CASZ1: variants seen among roughly 807,000 people sequenced by gnomAD.
CASZ1 encodes the protein zinc finger protein castor homolog 1.
A neutral mutation model predicts 135.2 loss-of-function variants in CASZ1; 28 were observed. The observed-to-expected ratio is 0.21, with a 90% CI of 0.15 to 0.28. The LOEUF (loss-of-function observed/expected upper bound fraction) is 0.28. CASZ1 is among the 10% of genes least tolerant of loss of function. The probability of loss-of-function intolerance (pLI) is 1.00; values close to 1 mark genes in which losing one functional copy is unlikely to be tolerated. For synonymous variants in CASZ1, 1,068 were observed against 1,073.4 expected (o/e 0.99, Z 0.10); for missense variants, 2,161 against 2,453.3 (o/e 0.88, Z 2.52).
At chr1:10,752,360 T>C (rs205479) in intron 2 of CASZ1, among the ~76,000 whole-genome samples, 63,237 of 152,084 alleles carry the variant, frequency 0.42, 15,397 homozygotes, top group African/African-American at 0.68. Flanking sequence ...GAGAGGCCCC[T>C]AGACTATTCC....
chr1:10,725,680 G>C lies in CASZ1; in HGVS notation c.-76-20136C>G, dbSNP rs1434536456. Among the ~76,000 whole-genome samples, 1 of 151,684 alleles carries C rather than the reference G, an allele frequency of 6.6e-6. No homozygotes were observed. Among genetic ancestry groups the C allele is most frequent in the Non-Finnish European group, 1.5e-5 (1 of 68,016 alleles). The stretch of plus-strand genomic sequence containing the variant: ...ACACTCCAGGCCTGGGGGAGGCCAG[G>C]CTTGGGGAGGAGGTGGAAGCCAGGT... On this transcript the variant is annotated intron_variant, in intron 2 of 20. Transcript: ENST00000377022. This position sits in a 1 kb window ranked among gnomAD's most constrained non-coding sequence, Gnocchi z 4.4.
chr1:10,793,440 T>C (rs1203230761), intron 1 of CASZ1, among the ~76,000 whole-genome samples: 1 of 151,924 alleles, frequency 6.6e-6, no homozygotes, highest in Middle Eastern at 3.4e-3. Flanking sequence ...CTCGGCAAGG[T>C]GCAAAGTCTA....
At chr1:10,763,178 C>G (rs1011695868) in intron 1 of CASZ1, among the ~76,000 whole-genome samples, 3 of 152,222 alleles carry the variant, frequency 2.0e-5, no homozygotes, top group African/African-American at 7.2e-5. Flanking sequence ...CAGCCCAGGC[C>G]CCGGGGGCCA....
intron 1 of CASZ1, among the ~76,000 whole-genome samples, chr1:10,779,444 G>GC (rs1315705511): frequency 6.6e-6 from 1 of 152,128 alleles, no homozygotes; most frequent in East Asian, 1.9e-4. Context: ...TCAGCGCCCT[G>GC]CGGGGGCCGT....
rs537672299 is a variant in CASZ1, at chr1:10,642,969, T to C, written c.4052A>G (p.Asp1351Gly). 7.4e-6 allele frequency: 12 copies of C among 1,613,072 alleles called. No individual in the cohort carries two copies. The highest frequency in any genetic ancestry group is 1.0e-5 in the Non-Finnish European group (12 of 1,179,976). ...GPPGLMDAET[D>G]ECMDYTGCSP... ...GCAGCCAGTGTAGTCCATGCACTCA[T>C]CTGTCTCAGCATCCATCAGGCCTGG... The change falls in exon 20 of 21, where the codon GAT (aspartate) becomes GGT (glycine). Residue 1351 changes from aspartate (D) to glycine (G), a missense_variant. Asp to Gly is a moderately conservative substitution (Grantham distance 94). Around this residue, in one of 7 missense-constraint regions of CASZ1, gnomAD observed 143 missense variants for 128.3 expected, o/e 1.11. Transcript: ENST00000377022.
At position 10,760,796 on chromosome 1, in the gene CASZ1, G is replaced by A. The variant is rs1278908497; in HGVS notation, c.-172C>T. 1 of 152,254 alleles carries A rather than the reference G, an allele frequency of 6.6e-6. No homozygotes were observed. The highest frequency in any genetic ancestry group is 1.5e-5 in the Non-Finnish European group (1 of 68,056). The allele number at this position is 152,254 out of a possible 1,614,324, so 9.4% of individuals were successfully genotyped here. ...TTGTAAAGGAGGGGTCGATGGCCGTGGCAGCTGGGAGGGCAGGTGGGATGG... is the reference window on the plus strand; with the variant it reads ...TTGTAAAGGAGGGGTCGATGGCCGTAGCAGCTGGGAGGGCAGGTGGGATGG... On this transcript the variant is annotated 5_prime_UTR_variant, in exon 2 of 21. Coordinates refer to ENST00000377022, the MANE Select transcript of CASZ1 (RefSeq NM_001079843.3).
intron 2 of CASZ1, among the ~76,000 whole-genome samples, chr1:10,712,954 A>C (rs1458979996): frequency 6.6e-6 from 1 of 152,182 alleles, no homozygotes; most frequent in Non-Finnish European, 1.5e-5. Flanking sequence ...CCCAAGGTCG[A>C]GGAGCCCCAC....
intron 6 of CASZ1, 101 bp downstream of exon 6, chr1:10,659,601 G>A (rs1165673329): frequency 2.3e-5 from 20 of 875,824 alleles, no homozygotes; most frequent in East Asian, 1.2e-4. Flanking sequence ...AGGTGTGAGC[G>A]GCAGGTGTGT....
intron 4 of CASZ1, among the ~76,000 whole-genome samples, chr1:10,685,909 A>G (rs750562436): frequency 3.3e-5 from 5 of 152,254 alleles, no homozygotes; most frequent in Admixed American, 6.5e-5. Context: ...GGAGCCGGAA[A>G]GAGGCTGACT....
chr1:10,725,501 CA>C lies in CASZ1; in HGVS notation c.-76-19958del, dbSNP rs1639580441. ...TGGCTCAATTTCTTATTGGATTTCT[CA>C]AAAAACCTGACATTTTAAATTAATT... is the stretch of plus-strand genomic sequence containing the variant. On this transcript the variant is annotated intron_variant, in intron 2 of 20. Coordinates refer to ENST00000377022, the MANE Select transcript of CASZ1 (RefSeq NM_001079843.3). This position sits in a 1 kb window ranked among gnomAD's most constrained non-coding sequence, Gnocchi z 4.4. Among the ~76,000 whole-genome samples, 1 of 152,150 alleles carries C rather than the reference CA, an allele frequency of 6.6e-6. No individual in the cohort carries two copies. The highest frequency in any genetic ancestry group is 6.5e-5 in the Admixed American group (1 of 15,280).
chr1:10,749,288 C>A (rs569335112), intron 2 of CASZ1, among the ~76,000 whole-genome samples: 26 of 152,002 alleles, frequency 1.7e-4, no homozygotes, highest in South Asian at 1.5e-3. Flanking sequence ...CACTCTGTCG[C>A]CCAGGCTGGA....
intron 1 of CASZ1, among the ~76,000 whole-genome samples, chr1:10,765,236 T>C (rs1474506251): frequency 2.0e-5 from 3 of 151,862 alleles, no homozygotes; most frequent in Admixed American, 6.6e-5. Flanking sequence ...TGGGAAGTGG[T>C]AGGGAAAGAT....
intron 5 of CASZ1, among the ~76,000 whole-genome samples, chr1:10,664,689 C>T (rs978850017): frequency 1.1e-4 from 16 of 152,094 alleles, no homozygotes; most frequent in African/African-American, 3.9e-4. Context: ...CGCTGCGCCC[C>T]TCTTGTGCCA....
rs1436370856 is a variant in CASZ1, at chr1:10,646,212, C to T, written c.3612G>A (p.Leu1204=). Residue 1204 remains leucine, a synonymous_variant, in exon 17 of 21, where the codon CTG becomes CTA. Transcript: ENST00000377022. The surrounding 1 kb of genome is among the most constrained non-coding windows in gnomAD (Gnocchi z 6.4). ...GGTTGTTGTTGGGGTTGATGTGGTC[C>T]AGGCAGTGGGATTCGGCCTTGCCAG... is the stretch of plus-strand genomic sequence containing the variant. ...KTSGKAESHC[L]DHINPNNNLV... is the part of the protein sequence containing the mutation. The T allele has an allele frequency of 4.3e-6, 7 of 1,614,190 alleles. No homozygotes were observed. Among genetic ancestry groups the T allele is most frequent in the Non-Finnish European group, 5.9e-6 (7 of 1,180,034 alleles).
intron 1 of CASZ1, among the ~76,000 whole-genome samples, chr1:10,770,593 G>T (rs1200947700): frequency 1.3e-5 from 2 of 152,092 alleles, no homozygotes; most frequent in Non-Finnish European, 2.9e-5. Context: ...GCGGTCACAG[G>T]CCCCCTCTGT....
At position 10,725,780 on chromosome 1, in the gene CASZ1, T is replaced by G. The variant is rs1355739262; in HGVS notation, c.-76-20236A>C. On this transcript the variant is annotated intron_variant, in intron 2 of 20. Coordinates refer to ENST00000377022, the MANE Select transcript of CASZ1 (RefSeq NM_001079843.3). This position sits in a 1 kb window ranked among gnomAD's most constrained non-coding sequence, Gnocchi z 4.4. The stretch of plus-strand genomic sequence containing the variant: ...TCCTGGGGAACCCTGGACAGGTGAG[T>G]GACAAGACAGCGGCAGTGGGGTGGG... Among the ~76,000 whole-genome samples the G allele has an allele frequency of 1.4e-5, 2 of 139,080 alleles. No individual in the cohort carries two copies. Among genetic ancestry groups the G allele is most frequent in the Non-Finnish European group, 3.1e-5 (2 of 64,170 alleles). The allele number at this position is 139,080 out of a possible 152,430, so 91.2% of individuals were successfully genotyped here.
rs74052189 is a variant in CASZ1 at position 10,765,093 on chromosome 1, A to T, written c.-233-4236T>A. On this transcript the variant is annotated intron_variant, in intron 1 of 20. Coordinates refer to ENST00000377022, the MANE Select transcript of CASZ1 (RefSeq NM_001079843.3). ...TTTCTGCTGCCTCCCCTACATCGGAACCTCCCCCCACAATGAACATCAGCC... is the reference window on the plus strand; with the variant it reads ...TTTCTGCTGCCTCCCCTACATCGGATCCTCCCCCCACAATGAACATCAGCC... Among the ~76,000 whole-genome samples the T allele has an allele frequency of 2.8e-3, 419 of 151,824 alleles. 2 individuals are homozygous for T. The highest frequency in any genetic ancestry group is 9.8e-3 in the African/African-American group (404 of 41,392).
In CASZ1 at chr1:10,646,095, C is replaced by T; in HGVS notation, c.3696+33G>A. ...TAGCCCTGCACCTCCCTGCCCCCTA[C>T]TCTGCCCCTGCGCCGTGTACCGCCA... is the stretch of plus-strand genomic sequence containing the variant. On this transcript the variant is annotated intron_variant, in intron 17 of 20. Coordinates refer to ENST00000377022, the MANE Select transcript of CASZ1 (RefSeq NM_001079843.3). This position sits in a 1 kb window ranked among gnomAD's most constrained non-coding sequence, Gnocchi z 6.4. 4.3e-6 allele frequency: 7 copies of T among 1,609,472 alleles called. No homozygotes were observed. The highest frequency in any genetic ancestry group is 5.9e-6 in the Non-Finnish European group (7 of 1,176,642).
chr1:10,738,024 T>G (rs1639834469), intron 2 of CASZ1, among the ~76,000 whole-genome samples: 1 of 150,980 alleles, frequency 6.6e-6, no homozygotes, highest in Non-Finnish European at 1.5e-5. Context: ...CAAGTGCCGG[T>G]GGGGCAGCCC....
Sources: gnomAD v4.1 joint callset for allele counts (sites outside exome capture counted in the v4.1 genomes callset) on GRCh38, gnomAD v4.1.1 for gene constraint, gnomAD v4.1.1 regional missense constraint, Gnocchi (gnomAD v3.1) non-coding constraint, MANE v1.5 for transcripts, NCBI Gene and HGNC (gene_info 2026-07-23, HGNC 2026-07-21) for gene names.